The following GANC variants were observed in gnomAD, a reference collection of about 807,000 sequenced individuals.
GANC encodes the protein glucosidase alpha, neutral C.
GANC carries 117 observed loss-of-function variants against 124.2 expected under a neutral mutation model. That is an observed-to-expected ratio of 0.94 (90% CI 0.81 to 1.10). GANC has a LOEUF of 1.10. Ranked by LOEUF, GANC falls within the 50% of genes least tolerant of loss-of-function variation. The pLI, the probability that GANC is intolerant of heterozygous loss-of-function variation, is 0.00. For synonymous variants in GANC, 377 were observed against 376.8 expected, an observed-to-expected ratio of 1.00 and a Z score of -0.01; for missense variants, 1,140 against 1,095.0, an observed-to-expected ratio of 1.04 and a Z score of -0.58.
rs1056947910 is a variant in GANC, at chr15:42,353,557, C to G, written c.*1418C>G. On this transcript the variant is annotated 3_prime_UTR_variant, in exon 24 of 24. Coordinates refer to ENST00000318010, the MANE Select transcript of GANC (RefSeq NM_198141.3). ...ATTGTATGTCCCTCAAGAGCATGTT[C>G]TGTTTCTCTTCTGTCTGACAGAGCA... 3.0e-6 allele frequency: 3 copies of G among 984,532 alleles called. No homozygotes were observed. The African/African-American group carries it at 5.3e-5, about 17-fold the overall frequency. 61.0% of individuals were successfully genotyped at this position (984,532 alleles called of 1,614,324 possible). A position where few individuals can be genotyped will look rare whatever the true frequency, so the allele number is the denominator to read the frequency against.
intron 4 of GANC, 98 bp from the exon 5 acceptor site, chr15:42,292,637 G>T: frequency 6.7e-6 from 8 of 1,198,040 alleles, no homozygotes; most frequent in Non-Finnish European, 9.4e-6. Context: ...TATGTCACAT[G>T]AATATTGATT....
At chr15:42,275,926 T>A (rs1226245676) in intron 1 of GANC, among the ~76,000 whole-genome samples, 3 of 152,176 alleles carry the variant, frequency 2.0e-5, no homozygotes, top group African/African-American at 7.2e-5. Flanking sequence ...TCTGAAAATA[T>A]TTTCTTGAAT....
chr15:42,307,552 C>T (rs2052010306), intron 7 of GANC, among the ~76,000 whole-genome samples: 1 of 152,170 alleles, frequency 6.6e-6, no homozygotes, highest in Admixed American at 6.5e-5. Context: ...CAAGCTCCTA[C>T]AAATAAGGAC....
intron 21 of GANC, 27 bp from the exon 22 acceptor site, chr15:42,349,356 A>G: frequency 2.2e-6 from 3 of 1,337,864 alleles, no homozygotes; most frequent in Middle Eastern, 3.6e-4. Context: ...ATATAAGCAC[A>G]TTCTGTCTCT....
chr15:42,331,567 G>C (rs1005675848), intron 15 of GANC, among the ~76,000 whole-genome samples: 1 of 152,122 alleles, frequency 6.6e-6, no homozygotes, highest in African/African-American at 2.4e-5. Flanking sequence ...CTATCCTGTG[G>C]ACATTATTAA....
chr15:42,346,610 T>TCC lies in GANC; in HGVS notation c.2304+781_2304+782dup, dbSNP rs145976681. Among the ~76,000 whole-genome samples, 410 of 152,262 alleles carry TCC rather than the reference T, an allele frequency of 2.7e-3. 1 individual carries two copies. The highest frequency in any genetic ancestry group is 9.5e-3 in the African/African-American group (396 of 41,540). On this transcript the variant is annotated intron_variant, in intron 20 of 23. Coordinates refer to ENST00000318010, the MANE Select transcript of GANC (RefSeq NM_198141.3). ...AGACATCAGAGACAAACACACCTCT[T>TCC]CCCCGTATGTTTACATTTGTGTGTC...
chr15:42,306,030 A>AT (rs11449686), intron 6 of GANC, among the ~76,000 whole-genome samples: 114,137 of 142,902 alleles, frequency 0.8, 47,899 homozygotes, highest in Non-Finnish European at 0.94. Context: ...CACCATGTCT[A>AT]TTTTTTTTTT....
intron 11 of GANC, among the ~76,000 whole-genome samples, chr15:42,323,548 G>T (rs2052177637): frequency 6.6e-6 from 1 of 151,944 alleles, no homozygotes; most frequent in Admixed American, 6.6e-5. Flanking sequence ...TGTCACCCAG[G>T]CTGTAGTGCT....
At chr15:42,296,383 A>G (rs766253126) in intron 5 of GANC, among the ~76,000 whole-genome samples, 1 of 151,850 alleles carries the variant, frequency 6.6e-6, no homozygotes, top group Non-Finnish European at 1.5e-5. Context: ...GGTTTGGTTT[A>G]GTTTAGTTTT....
At chr15:42,296,437 A>G (rs2051891885) in intron 5 of GANC, among the ~76,000 whole-genome samples, 1 of 152,070 alleles carries the variant, frequency 6.6e-6, no homozygotes, top group Non-Finnish European at 1.5e-5. Flanking sequence ...CCCAGGCTGG[A>G]GTGCAGTGGT....
At chr15:42,313,173 A>C (rs2052069679) in intron 10 of GANC, among the ~76,000 whole-genome samples, 1 of 152,234 alleles carries the variant, frequency 6.6e-6, no homozygotes, top group South Asian at 2.1e-4. Context: ...AGACAGTTGG[A>C]TATCTACTTG....
At chr15:42,336,933 A>G (rs1398943659) in intron 15 of GANC, among the ~76,000 whole-genome samples, 1 of 152,226 alleles carries the variant, frequency 6.6e-6, no homozygotes, top group Non-Finnish European at 1.5e-5. Context: ...CCACAATGAA[A>G]TACCACCTCA....
chr15:42,293,288 T>G (rs2051859984), intron 5 of GANC, among the ~76,000 whole-genome samples: 2 of 152,222 alleles, frequency 1.3e-5, no homozygotes, highest in African/African-American at 2.4e-5. Context: ...TGAATAGTTG[T>G]CCAGGAATTT....
intron 15 of GANC, 110 bp downstream of exon 15, chr15:42,330,782 T>A: frequency 2.8e-6 from 2 of 715,698 alleles, no homozygotes; most frequent in Non-Finnish European, 4.6e-6. Flanking sequence ...TTTTTTTTTT[T>A]TTTTTTTTTT....
At chr15:42,333,102 C>T (rs1354803469) in intron 15 of GANC, among the ~76,000 whole-genome samples, 1 of 150,188 alleles carries the variant, frequency 6.7e-6, no homozygotes, top group Non-Finnish European at 1.5e-5. Context: ...GGCAGGTGGG[C>T]AGATCACTTG....
At chr15:42,346,256 C>G (rs1270519759) in intron 20 of GANC, among the ~76,000 whole-genome samples, 1 of 152,084 alleles carries the variant, frequency 6.6e-6, no homozygotes, top group Non-Finnish European at 1.5e-5. Context: ...ATAATGTGTT[C>G]CTCTGTAAAA....
chr15:42,293,644 C>T (rs2051865074), intron 5 of GANC, among the ~76,000 whole-genome samples: 1 of 151,562 alleles, frequency 6.6e-6, no homozygotes, highest in Admixed American at 6.6e-5. Flanking sequence ...TCCCCATAAT[C>T]TCTCCACCTA....
intron 4 of GANC, 90 bp from the exon 5 acceptor site, chr15:42,292,645 A>C (rs895364001): frequency 4.8e-6 from 6 of 1,262,050 alleles, no homozygotes; most frequent in Non-Finnish European, 6.6e-6. Flanking sequence ...ATGAATATTG[A>C]TTTACTAATT....
At chr15:42,342,899 G>A (rs549462535) in intron 18 of GANC, among the ~76,000 whole-genome samples, 179 bp from the exon 19 acceptor site, 8 of 150,488 alleles carry the variant, frequency 5.3e-5, no homozygotes, top group African/African-American at 2.0e-4. Context: ...TTGAGCGCCT[G>A]CCCTCTTTCT....
Sources: gnomAD v4.1 joint callset for allele counts (sites outside exome capture counted in the v4.1 genomes callset) on GRCh38, gnomAD v4.1.1 for gene constraint, MANE v1.5 for transcripts, NCBI Gene and HGNC (gene_info 2026-07-23, HGNC 2026-07-21) for gene names.